Variants in ZNF407 observed in about 807,000 individuals in gnomAD.
ZNF407 encodes zinc finger protein 407.
ZNF407 carries 17 observed loss-of-function variants against 131.2 expected under a neutral mutation model. The ratio of observed to expected loss-of-function variants is 0.13; its 90% CI spans 0.09 to 0.19. The LOEUF (loss-of-function observed/expected upper bound fraction) is 0.19. Ranked by LOEUF, ZNF407 falls within the 10% of genes least tolerant of loss-of-function variation. The pLI is 1.00. For missense variants in ZNF407, 2,681 were observed against 2,830.6 expected (o/e 0.95, Z 1.20); for synonymous variants, 1,156 against 1,062.0 (o/e 1.09, Z -1.72).
intron 3 of ZNF407, among the ~76,000 whole-genome samples, chr18:74,709,956 T>C (rs1187235830): frequency 6.6e-6 from 1 of 152,228 alleles, no homozygotes; most frequent in Non-Finnish European, 1.5e-5. Context: ...TTCATTAATG[T>C]GAATTTATGA....
chr18:74,971,743 G>A (rs1294722141), intron 8 of ZNF407, among the ~76,000 whole-genome samples: 1 of 152,124 alleles, frequency 6.6e-6, no homozygotes. Flanking sequence ...CCAACTCTCT[G>A]CCTCTTACCC....
intron 1 of ZNF407, among the ~76,000 whole-genome samples, chr18:74,609,425 C>G (rs1010807810): frequency 3.9e-5 from 6 of 152,116 alleles, no homozygotes; most frequent in African/African-American, 1.4e-4. Flanking sequence ...GTACTGAATG[C>G]TGTAGGCAAT....
chr18:75,043,827 A>G (rs767599382), intron 8 of ZNF407, among the ~76,000 whole-genome samples: 2 of 152,238 alleles, frequency 1.3e-5, no homozygotes, highest in African/African-American at 4.8e-5. Context: ...TGACAACACC[A>G]TGGTCCAACT....
At chr18:74,967,112 A>G (rs967523577) in intron 8 of ZNF407, among the ~76,000 whole-genome samples, 1 of 152,136 alleles carries the variant, frequency 6.6e-6, no homozygotes, top group African/African-American at 2.4e-5. Flanking sequence ...TATTTAAAAA[A>G]GTATCCAAGC....
chr18:74,947,920 G>T (rs910435106), intron 8 of ZNF407, among the ~76,000 whole-genome samples: 3 of 152,070 alleles, frequency 2.0e-5, no homozygotes. Flanking sequence ...TTTTACACAA[G>T]AACACAGAAA....
chr18:74,876,696 G>A (rs1287370458), intron 4 of ZNF407, among the ~76,000 whole-genome samples: 1 of 152,078 alleles, frequency 6.6e-6, no homozygotes, highest in African/African-American at 2.4e-5. Flanking sequence ...TCACACAGAA[G>A]GACCCCTGGT....
chr18:74,651,212 A>G (rs1339179391), intron 3 of ZNF407, among the ~76,000 whole-genome samples: 2 of 152,132 alleles, frequency 1.3e-5, no homozygotes, highest in Admixed American at 6.6e-5. Flanking sequence ...ACAAAATTAT[A>G]TGTTAGTTAT....
At chr18:74,969,736 G>C (rs1460276205) in intron 8 of ZNF407, among the ~76,000 whole-genome samples, 1 of 152,192 alleles carries the variant, frequency 6.6e-6, no homozygotes, top group Non-Finnish European at 1.5e-5. Context: ...TGGTAACTGG[G>C]TCTCTTTTCC....
intron 3 of ZNF407, among the ~76,000 whole-genome samples, chr18:74,666,402 G>A (rs569890048): frequency 2.4e-4 from 36 of 152,284 alleles, no homozygotes; most frequent in African/African-American, 7.5e-4. Flanking sequence ...AGAAAGCCAC[G>A]TGGGACTTGT....
At chr18:74,629,360 G>A (rs532140227) in intron 1 of ZNF407, among the ~76,000 whole-genome samples, 52 of 152,250 alleles carry the variant, frequency 3.4e-4, no homozygotes, top group Non-Finnish European at 6.2e-4. Context: ...ATGAAGAAAT[G>A]TATTTCATAT....
At chr18:74,613,990 A>G (rs949348111) in intron 1 of ZNF407, among the ~76,000 whole-genome samples, 2 of 152,160 alleles carry the variant, frequency 1.3e-5, no homozygotes, top group Admixed American at 6.5e-5. Context: ...CAAACAACAG[A>G]CTTTTTCTTT....
intron 6 of ZNF407, among the ~76,000 whole-genome samples, chr18:74,889,419 G>A (rs1012347526): frequency 1.3e-5 from 2 of 152,096 alleles, no homozygotes; most frequent in African/African-American, 4.8e-5. Context: ...GCTTAATACA[G>A]TATATTTTTT....
intron 4 of ZNF407, among the ~76,000 whole-genome samples, chr18:74,839,560 G>A (rs978644884): frequency 6.6e-6 from 1 of 152,160 alleles, no homozygotes; most frequent in African/African-American, 2.4e-5. Context: ...ACTGATTTCA[G>A]CTGTTAGCAC....
chr18:75,014,335 A>G (rs1239918654), intron 8 of ZNF407, among the ~76,000 whole-genome samples: 1 of 151,958 alleles, frequency 6.6e-6, no homozygotes, highest in East Asian at 1.9e-4. Context: ...TTCCCTTCTA[A>G]GATGGTCCTT....
At chr18:74,820,054 A>C (rs1970319551) in intron 4 of ZNF407, among the ~76,000 whole-genome samples, 1 of 152,214 alleles carries the variant, frequency 6.6e-6, no homozygotes, top group South Asian at 2.1e-4. Flanking sequence ...CAGAAGAAGA[A>C]AGGAGGGATC....
intron 3 of ZNF407, among the ~76,000 whole-genome samples, chr18:74,779,298 T>C (rs1377113218): frequency 6.6e-6 from 1 of 151,086 alleles, no homozygotes; most frequent in Non-Finnish European, 1.5e-5. Context: ...GTATTTTTAG[T>C]AGAGACGGGG....
At chr18:74,755,884 C>CTT (rs1244607203) in intron 3 of ZNF407, among the ~76,000 whole-genome samples, 10 of 24,204 alleles carry the variant, frequency 4.1e-4, no homozygotes, top group South Asian at 3.1e-3. Context: ...TCTTTTCCTT[C>CTT]CTTTTTTTTT....
chr18:74,780,024 C>CT (rs11376076), intron 3 of ZNF407, among the ~76,000 whole-genome samples: 145,649 of 151,586 alleles, frequency 0.96, 70,229 homozygotes, highest in East Asian at 1. Context: ...AATTTTTGTA[C>CT]TTTTTTTTGC....
chr18:74,766,587 C>T (rs1969239056), intron 3 of ZNF407, among the ~76,000 whole-genome samples: 1 of 152,168 alleles, frequency 6.6e-6, no homozygotes, highest in African/African-American at 2.4e-5. Flanking sequence ...TTTGGCTAAG[C>T]CAAGTTGTCA....
Sources: gnomAD v4.1 joint callset for allele counts (sites outside exome capture counted in the v4.1 genomes callset) on GRCh38, gnomAD v4.1.1 for gene constraint, MANE v1.5 for transcripts, NCBI Gene and HGNC (gene_info 2026-07-23, HGNC 2026-07-21) for gene names.